The following CCSER1 variants were observed in gnomAD, a reference collection of about 807,000 sequenced individuals.
CCSER1 encodes the protein serine-rich coiled-coil domain-containing protein 1.
A neutral mutation model predicts 82.0 loss-of-function variants in CCSER1; 41 were observed. That is an observed-to-expected ratio of 0.50 (90% CI 0.39 to 0.65). The LOEUF is 0.65. Among genes scored for constraint, CCSER1 ranks in the 30% least tolerant of loss-of-function variants. The pLI is 0.00. For synonymous variants in CCSER1, 414 were observed against 383.9 expected, an observed-to-expected ratio of 1.08 and a Z score of -0.92; for missense variants, 1,119 against 1,064.2, an observed-to-expected ratio of 1.05 and a Z score of -0.72.
chr4:91,462,842 G>A (rs184372367), intron 10 of CCSER1, among the ~76,000 whole-genome samples: 34 of 152,274 alleles, frequency 2.2e-4, no homozygotes, highest in Admixed American at 5.9e-4. Context: ...GGCTTGAGTA[G>A]GTAAACAAAG....
intron 10 of CCSER1, among the ~76,000 whole-genome samples, chr4:91,163,576 G>C (rs967775397): frequency 2.0e-5 from 3 of 152,150 alleles, no homozygotes; most frequent in African/African-American, 7.2e-5. Flanking sequence ...AAGTCTCTTT[G>C]TAGGTCTCTA....
chr4:91,104,599 A>G (rs1725422223), intron 10 of CCSER1, among the ~76,000 whole-genome samples: 1 of 152,214 alleles, frequency 6.6e-6, no homozygotes, highest in South Asian at 2.1e-4. Context: ...TAGAATTGCT[A>G]CTATACACTA....
intron 4 of CCSER1, among the ~76,000 whole-genome samples, chr4:90,433,656 C>T (rs1266025449): frequency 6.6e-6 from 1 of 152,000 alleles, no homozygotes; most frequent in Non-Finnish European, 1.5e-5. Context: ...CAAAGTCAGG[C>T]TCTTTACTAT....
rs562786856 is a variant in CCSER1 at position 91,269,639 on chromosome 4, T to C, written c.2217+183645T>C. Among the ~76,000 whole-genome samples, 53 of 152,320 alleles carry C rather than the reference T, an allele frequency of 3.5e-4. No homozygotes were observed. In the South Asian group the frequency reaches 0.01, roughly 30 times the overall value. ...TGTATATACCATGATGGGACCAAGG[T>C]CAAATTTTTATTTTACTTGTGAATG... On this transcript the variant is annotated intron_variant, in intron 10 of 10. Transcript: ENST00000509176.
chr4:90,257,913 G>A (rs1417909650), intron 1 of CCSER1, among the ~76,000 whole-genome samples: 1 of 152,168 alleles, frequency 6.6e-6, no homozygotes, highest in Admixed American at 6.6e-5. Context: ...GATTGATTCA[G>A]GCTACTGATT....
chr4:91,393,457 T>C (rs1037338334), intron 10 of CCSER1, among the ~76,000 whole-genome samples: 8 of 152,086 alleles, frequency 5.3e-5, no homozygotes, highest in Non-Finnish European at 1.2e-4. Context: ...GATATTTAGA[T>C]GAAAATCTAT....
chr4:90,466,928 A>G (rs1484499059), intron 4 of CCSER1, among the ~76,000 whole-genome samples: 17 of 152,236 alleles, frequency 1.1e-4, no homozygotes. Flanking sequence ...GACAATTGAA[A>G]TAGCCCCAAA....
intron 5 of CCSER1, among the ~76,000 whole-genome samples, chr4:90,571,993 T>C (rs1780173841): frequency 6.6e-6 from 1 of 152,216 alleles, no homozygotes. Flanking sequence ...CTGAATATTT[T>C]CATATTACTC....
chr4:90,807,829 C>G (rs1369216333), intron 7 of CCSER1, among the ~76,000 whole-genome samples: 1 of 151,936 alleles, frequency 6.6e-6, no homozygotes. Context: ...CCAAAGCAAT[C>G]CAAAGATTCA....
intron 1 of CCSER1, among the ~76,000 whole-genome samples, chr4:90,171,787 A>G (rs17016596): frequency 0.34 from 51,812 of 151,630 alleles, 11,067 homozygotes; most frequent in East Asian, 0.65. Flanking sequence ...TCCAGCACCC[A>G]CTTAAAAAGA....
chr4:91,353,644 T>C (rs1748631094), intron 10 of CCSER1, among the ~76,000 whole-genome samples: 1 of 152,208 alleles, frequency 6.6e-6, no homozygotes, highest in South Asian at 2.1e-4. Flanking sequence ...GAGTTCTCAC[T>C]CTTATTTTTG....
chr4:90,578,051 G>T (rs939606693), intron 5 of CCSER1, among the ~76,000 whole-genome samples: 5 of 152,100 alleles, frequency 3.3e-5, no homozygotes, highest in Non-Finnish European at 7.4e-5. Flanking sequence ...GGTTAGACTC[G>T]TGCTGCTATT....
chr4:90,633,197 A>G (rs1282717843), intron 6 of CCSER1, among the ~76,000 whole-genome samples: 1 of 152,088 alleles, frequency 6.6e-6, no homozygotes, highest in Non-Finnish European at 1.5e-5. Flanking sequence ...ATGAAAGGAA[A>G]TGGATTTCAT....
At chr4:90,739,850 G>A (rs1746252884) in intron 7 of CCSER1, among the ~76,000 whole-genome samples, 1 of 152,170 alleles carries the variant, frequency 6.6e-6, no homozygotes, top group Non-Finnish European at 1.5e-5. Flanking sequence ...TAGGGGAAGG[G>A]TGGTGTAGGT....
chr4:90,667,447 A>G (rs1404986547), intron 6 of CCSER1, among the ~76,000 whole-genome samples: 1 of 151,836 alleles, frequency 6.6e-6, no homozygotes, highest in Non-Finnish European at 1.5e-5. Context: ...GCACCCATCA[A>G]CCCATCATAT....
intron 5 of CCSER1, among the ~76,000 whole-genome samples, chr4:90,479,681 C>T (rs536329445): frequency 6.6e-6 from 1 of 152,262 alleles, no homozygotes; most frequent in South Asian, 2.1e-4. Flanking sequence ...CCAGCTTCAT[C>T]CATGTCCCTA....
chr4:90,205,954 A>AT (rs1386492220), intron 1 of CCSER1, among the ~76,000 whole-genome samples: 2 of 151,764 alleles, frequency 1.3e-5, no homozygotes, highest in East Asian at 1.9e-4. Context: ...GAATTTATCC[A>AT]TTTTTTCTAG....
intron 8 of CCSER1, among the ~76,000 whole-genome samples, chr4:90,878,400 CATTTGTACCTCT>C (rs988838030): frequency 6.6e-6 from 1 of 152,094 alleles, no homozygotes; most frequent in African/African-American, 2.4e-5. Context: ...ATTCTTAATT[CATTTGTACCTCT>C]ATTTGGGTAC....
At chr4:90,216,481 C>G (rs544946435) in intron 1 of CCSER1, among the ~76,000 whole-genome samples, 3 of 152,284 alleles carry the variant, frequency 2.0e-5, no homozygotes, top group Non-Finnish European at 2.9e-5. Flanking sequence ...CTGTGACAGT[C>G]AGAGCAACTT....
Sources: gnomAD v4.1 joint callset for allele counts (sites outside exome capture counted in the v4.1 genomes callset) on GRCh38, gnomAD v4.1.1 for gene constraint, MANE v1.5 for transcripts, NCBI Gene and HGNC (gene_info 2026-07-23, HGNC 2026-07-21) for gene names.